The following TMEM131 variants were observed in gnomAD, a reference collection of about 807,000 sequenced individuals.
The protein encoded by TMEM131 is transmembrane protein 131, also known as 2610524E03Rik.
Under a neutral mutation model 211.6 loss-of-function variants are expected in TMEM131, and 66 were observed. The observed-to-expected ratio is 0.31, with a 90% CI of 0.26 to 0.38. The LOEUF (loss-of-function observed/expected upper bound fraction) is 0.38. Ranked by LOEUF, TMEM131 falls within the 10% of genes least tolerant of loss-of-function variation. The probability of loss-of-function intolerance (pLI) is 1.00; values close to 1 mark genes in which losing one functional copy is unlikely to be tolerated. For missense variants in TMEM131, 2,036 were observed against 2,299.3 expected, an observed-to-expected ratio of 0.89 and a Z score of 2.34; for synonymous variants, 844 against 841.3, an observed-to-expected ratio of 1.00 and a Z score of -0.06.
chr2:97,836,001 T>C (rs558106663), intron 8 of TMEM131, among the ~76,000 whole-genome samples: 1 of 152,374 alleles, frequency 6.6e-6, no homozygotes, highest in Admixed American at 6.5e-5. Flanking sequence ...AGGAAGTTCT[T>C]AGTTCTGTCT....
intron 31 of TMEM131, 111 bp downstream of exon 31, chr2:97,792,275 A>G: frequency 2.3e-6 from 2 of 874,352 alleles, no homozygotes; most frequent in Non-Finnish European, 3.3e-6. Context: ...TCTGAGCCAG[A>G]GGAACCTACT....
intron 31 of TMEM131, among the ~76,000 whole-genome samples, chr2:97,785,586 T>C (rs1249589771): frequency 6.6e-6 from 1 of 152,184 alleles, no homozygotes; most frequent in Non-Finnish European, 1.5e-5. Flanking sequence ...TACAGCACAG[T>C]CATTAGAGAA....
intron 5 of TMEM131, among the ~76,000 whole-genome samples, chr2:97,846,248 A>C (rs1181426395): frequency 6.6e-6 from 1 of 152,202 alleles, no homozygotes. Flanking sequence ...AAAGACTTGA[A>C]AAGTATAAGC....
intron 39 of TMEM131, chr2:97,759,442 C>T (rs927972034): frequency 3.1e-5 from 18 of 572,024 alleles, no homozygotes; most frequent in South Asian, 1.5e-4. Context: ...AACTGGTGTG[C>T]GCACACCGTG....
At chr2:97,837,920 G>A (rs1003767071) in intron 7 of TMEM131, among the ~76,000 whole-genome samples, 2 of 152,074 alleles carry the variant, frequency 1.3e-5, no homozygotes, top group African/African-American at 4.8e-5. Context: ...CCACTGATCT[G>A]CTCTCTATCA....
intron 2 of TMEM131, among the ~76,000 whole-genome samples, chr2:97,916,962 CTT>C: frequency 6.6e-6 from 1 of 152,216 alleles, no homozygotes; most frequent in Non-Finnish European, 1.5e-5. Context: ...TTTCTACAAG[CTT>C]ATATTTCTTT....
Position 97,898,476 on chromosome 2 carries a change from C to T in TMEM131, c.290+10182G>A, listed in dbSNP as rs114464832. Among the ~76,000 whole-genome samples, 960 of 152,196 alleles carry T rather than the reference C, an allele frequency of 6.3e-3. 12 individuals are homozygous for T. Among genetic ancestry groups the T allele is most frequent in the African/African-American group, 0.022 (918 of 41,542 alleles). ...AAATGAGGTTATAATGGTGGGGGCC[C>T]TAATATAATGGGATTAGTATCCTTA... On this transcript the variant is annotated intron_variant, in intron 3 of 40. Transcript: ENST00000186436.
rs931922389 is a variant in TMEM131 at position 97,766,203 on chromosome 2, T to C, written c.4634A>G (p.Gln1545Arg). 6.2e-7 allele frequency: 1 copy of C among 1,614,042 alleles called. No individual in the cohort carries two copies. The highest frequency in any genetic ancestry group is 8.5e-7 in the Non-Finnish European group (1 of 1,179,896). The change falls in exon 35 of 41, where the codon CAA becomes CGA. Residue 1545 changes from glutamine to arginine, a missense_variant. By Grantham distance (43) the Gln-to-Arg change is conservative (BLOSUM62 1). Coordinates refer to ENST00000186436, the MANE Select transcript of TMEM131 (RefSeq NM_015348.2). ...TGAGCTACTGGTGTTGCCTAATTCT[T>C]GACTATTCGGGAGGAATTTTGCTAG... ...PALAKFLPNS[Q>R]ELGNTSSSEG...
At chr2:97,828,926 T>A (rs1186123545) in intron 11 of TMEM131, among the ~76,000 whole-genome samples, 2 of 152,194 alleles carry the variant, frequency 1.3e-5, no homozygotes, top group African/African-American at 4.8e-5. Flanking sequence ...CAAATTTGTT[T>A]CCTCTACGAT....
intron 5 of TMEM131, among the ~76,000 whole-genome samples, chr2:97,855,423 G>A (rs996325985): frequency 1.3e-5 from 2 of 152,198 alleles, no homozygotes; most frequent in Admixed American, 6.5e-5. Flanking sequence ...TTATAGGCAA[G>A]GCACGGTGGC....
In TMEM131 at chr2:97,973,487, C is replaced by A. The variant is rs566261715; in HGVS notation, c.187+21989G>T. Among the ~76,000 whole-genome samples, 78 of 152,202 alleles carry A rather than the reference C, an allele frequency of 5.1e-4. 1 individual carries two copies. Among genetic ancestry groups the A allele is most frequent in the African/African-American group, 1.8e-3 (74 of 41,512 alleles). ...TGGTGGATTTTCCAAATTGATGAGA[C>A]AAAGCTGAGAGTCCGAGGAAACCAA... On this transcript the variant is annotated intron_variant, in intron 1 of 40. Coordinates refer to ENST00000186436, the MANE Select transcript of TMEM131 (RefSeq NM_015348.2).
At chr2:97,771,730 G>A (rs777384042) in intron 33 of TMEM131, among the ~76,000 whole-genome samples, 1 of 152,214 alleles carries the variant, frequency 6.6e-6, no homozygotes, top group African/African-American at 2.4e-5. Flanking sequence ...TCATCTCCCT[G>A]GGGAAACAGC....
In TMEM131 at chr2:97,995,676, G is replaced by A. The variant is rs1000468635; in HGVS notation, c.-14C>T. 4.2e-6 allele frequency: 5 copies of A among 1,199,602 alleles called. No homozygotes were observed. The highest frequency in any genetic ancestry group is 3.3e-4 in the Middle Eastern group (1 of 3,026). 74.3% of individuals were successfully genotyped at this position (1,199,602 alleles called of 1,614,324 possible). On this transcript the variant is annotated 5_prime_UTR_variant, in exon 1 of 41. Coordinates refer to ENST00000186436, the MANE Select transcript of TMEM131 (RefSeq NM_015348.2). ...CCGCTTCCCCATCCCTGCCGGCCGG[G>A]GGCCGCCGCGCTCGAGGTCCGGCGC... is the stretch of plus-strand genomic sequence containing the variant.
At chr2:97,990,315 TG>T (rs1680206447) in intron 1 of TMEM131, among the ~76,000 whole-genome samples, 3 of 150,706 alleles carry the variant, frequency 2.0e-5, no homozygotes, top group Non-Finnish European at 3.0e-5. Flanking sequence ...TGTGGCTGAT[TG>T]AAAAAAAAAA....
chr2:97,910,317 A>G (rs1374171865), intron 2 of TMEM131, among the ~76,000 whole-genome samples: 3 of 152,190 alleles, frequency 2.0e-5, no homozygotes, highest in Non-Finnish European at 4.4e-5. Context: ...GGAAAACAGT[A>G]TTGTGGTTCC....
chr2:97,814,419 A>G, intron 13 of TMEM131, 31 bp from the exon 14 acceptor site: 1 of 1,525,390 alleles, frequency 6.6e-7, no homozygotes. Context: ...AACAAAATAA[A>G]TCATTTTTAT....
At chr2:97,853,730 T>C (rs549021090) in intron 5 of TMEM131, among the ~76,000 whole-genome samples, 3 of 152,260 alleles carry the variant, frequency 2.0e-5, no homozygotes, top group Non-Finnish European at 4.4e-5. Flanking sequence ...GTTCAAGACT[T>C]CAGTGGAGAA....
At chr2:97,834,314 C>A (rs1046020200) in intron 10 of TMEM131, among the ~76,000 whole-genome samples, 2 of 152,134 alleles carry the variant, frequency 1.3e-5, no homozygotes. Context: ...TTCAGCGTAA[C>A]TGAACTGATG....
intron 1 of TMEM131, among the ~76,000 whole-genome samples, chr2:97,959,544 T>A (rs771760877): frequency 2.9e-4 from 43 of 147,550 alleles, no homozygotes; most frequent in South Asian, 1.7e-3. Flanking sequence ...GAGAAAAAAA[T>A]ATATATATGT....
Sources: gnomAD v4.1 joint callset for allele counts (sites outside exome capture counted in the v4.1 genomes callset) on GRCh38, gnomAD v4.1.1 for gene constraint, MANE v1.5 for transcripts, NCBI Gene and HGNC (gene_info 2026-07-23, HGNC 2026-07-21) for gene names.